Variants in C1S observed in about 807,000 individuals in gnomAD.
C1S encodes the protein complement C1s.
Under a neutral mutation model 54.0 loss-of-function variants are expected in C1S, and 31 were observed. The ratio of observed to expected loss-of-function variants is 0.57; its 90% CI spans 0.43 to 0.78. C1S has a LOEUF of 0.78. C1S is among the 30% of genes least tolerant of loss of function. C1S has a pLI of 0.00. For missense variants in C1S, 727 were observed against 851.8 expected (o/e 0.85, Z 1.82); for synonymous variants, 292 against 303.6 (o/e 0.96, Z 0.40).
Position 7,067,680 on chromosome 12 carries a change from TA to T in C1S, c.1107del (p.Val370LeufsTer41). 1 of 1,614,070 alleles carries T rather than the reference TA, an allele frequency of 6.2e-7. No homozygotes were observed. On this transcript the variant is annotated frameshift_variant, in exon 10 of 12. Transcript: ENST00000360817. LOFTEE classifies it high-confidence loss of function. ...GCATTCCTGAATCCATTGAGAATGG[TA>T]AAGTTGAAGACCCAGAGAGCACTTT... is the stretch of plus-strand genomic sequence containing the variant. The part of the protein sequence containing the change: ...CGIPESIENG[K>X]VEDPESTLFG...
At chr12:7,062,356 C>G in intron 2 of C1S, 119 bp from the exon 3 acceptor site, 1 of 766,952 alleles carries the variant, frequency 1.3e-6, no homozygotes, top group Non-Finnish European at 2.3e-6. Context: ...AAGATTCTCC[C>G]CCATGGCCGA....
intron 2 of C1S, chr12:7,062,209 T>C: frequency 1.8e-6 from 1 of 561,602 alleles, no homozygotes; most frequent in Non-Finnish European, 3.1e-6. Context: ...AGGTCAAGGC[T>C]GCAGTGACCT....
At chr12:7,062,726 T>C in intron 3 of C1S, 44 bp downstream of exon 3, 1 of 1,582,776 alleles carries the variant, frequency 6.3e-7, no homozygotes, top group African/African-American at 1.3e-5. Flanking sequence ...AGACTAGGGC[T>C]AAGGTAGCGG....
chr12:7,068,382 T>G, intron 10 of C1S, 74 bp from the exon 11 acceptor site: 2 of 1,042,152 alleles, frequency 1.9e-6, no homozygotes, highest in Non-Finnish European at 3.0e-6. Context: ...GGGCAGGGTG[T>G]TGGGGTCGGA....
In C1S at chr12:7,067,084, G is replaced by A. The variant is rs782700707; in HGVS notation, c.1033G>A (p.Gly345Arg). ...TSFYSTCQSNGKWSNSKLKCQ... is the reference protein window; with the variant it reads ...TSFYSTCQSNRKWSNSKLKCQ... ...TTTCTATTCGACTTGTCAAAGCAATGGAAAGTGGAGTAATTCCAAACTGAA... is the reference window on the plus strand; with the variant it reads ...TTTCTATTCGACTTGTCAAAGCAATAGAAAGTGGAGTAATTCCAAACTGAA... Residue 345 changes from glycine to arginine, a missense_variant, in exon 9 of 12, where the codon GGA (glycine) becomes AGA (arginine). By Grantham distance (125) the Gly-to-Arg change is moderately radical (BLOSUM62 -2). This residue lies in a region of C1S where 360 missense variants were observed against 453.6 expected (regional missense o/e 0.79). Transcript: ENST00000360817. 4.3e-6 allele frequency: 7 copies of A among 1,611,618 alleles called. No individual in the cohort carries two copies. The highest frequency in any genetic ancestry group is 2.2e-5 in the East Asian group (1 of 44,878).
In C1S at chr12:7,065,237, C is replaced by T. The variant is rs781816938; in HGVS notation, c.655C>T (p.Arg219Trp). 26 of 1,613,856 alleles carry T rather than the reference C, an allele frequency of 1.6e-5. No individual in the cohort carries two copies. The highest frequency in any genetic ancestry group is 1.1e-4 in the African/African-American group (8 of 74,900). Reference sequence around the variant, plus strand: ...AGGGTTCCAAGTGGTGGTGACCTTGCGGAGAGAAGATTTTGATGTGGAAGC... The same window carrying T: ...AGGGTTCCAAGTGGTGGTGACCTTGTGGAGAGAAGATTTTGATGTGGAAGC... ...EKGFQVVVTL[R>W]REDFDVEAAD... Residue 219 changes from arginine to tryptophan, a missense_variant, in exon 6 of 12, where the codon CGG becomes TGG. Arg to Trp is a moderately radical substitution (Grantham distance 101). Transcript: ENST00000360817.
Position 7,070,570 on chromosome 12 carries a change from T to C in C1S, c.1986T>C (p.Tyr662=). The C allele has an allele frequency of 1.2e-6, 2 of 1,613,956 alleles. No individual in the cohort carries two copies. Among genetic ancestry groups the C allele is most frequent in the Non-Finnish European group, 1.7e-6 (2 of 1,179,924 alleles). Reference sequence around the variant, plus strand: ...CCTGGGGGCCCCAGTGTGGGACCTATGGGCTCTACACACGGGTAAAGAACT... The same window carrying C: ...CCTGGGGGCCCCAGTGTGGGACCTACGGGCTCTACACACGGGTAAAGAACT... ...LVSWGPQCGT[Y]GLYTRVKNYV... is the part of the protein sequence containing the mutation. The change falls in exon 12 of 12, where the codon TAT becomes TAC. Residue 662 remains tyrosine (Y), a synonymous_variant. Coordinates refer to ENST00000360817, the MANE Select transcript of C1S (RefSeq NM_001734.5). This position sits in a 1 kb window ranked among gnomAD's most constrained non-coding sequence, Gnocchi z 4.9.
Position 7,062,696 on chromosome 12 carries a change from A to T in C1S, c.213+14A>T, listed in dbSNP as rs782268273. The T allele has an allele frequency of 1.2e-6, 2 of 1,610,244 alleles. No individual in the cohort carries two copies. Among genetic ancestry groups the T allele is most frequent in the South Asian group, 1.1e-5 (1 of 90,956 alleles). ...GACTCAGTGCAGGTATGTTATAAGC[A>T]CAAAAAGAATAGAGATGGAAGACTA... On this transcript the variant is annotated intron_variant, in intron 3 of 11. Transcript: ENST00000360817.
At position 7,070,694 on chromosome 12, in the gene C1S, G is replaced by A. The variant is rs1408186197; in HGVS notation, c.*43G>A. ...AGCCTCTCCAAGGGTGGTGACCAAT[G>A]CATTACCTTCTGTTCCTTATGATAT... is the stretch of plus-strand genomic sequence containing the variant. On this transcript the variant is annotated 3_prime_UTR_variant, in exon 12 of 12. Coordinates refer to ENST00000360817, the MANE Select transcript of C1S (RefSeq NM_001734.5). This position sits in a 1 kb window ranked among gnomAD's most constrained non-coding sequence, Gnocchi z 4.9. 2.1e-6 allele frequency: 3 copies of A among 1,421,144 alleles called. No homozygotes were observed. The highest frequency in any genetic ancestry group is 3.0e-6 in the Non-Finnish European group (3 of 1,005,836). The allele number at this position is 1,421,144 out of a possible 1,614,324, so 88.0% of individuals were successfully genotyped here.
In C1S at chr12:7,069,967, T is replaced by C; in HGVS notation, c.1383T>C (p.Gly461=). The C allele has an allele frequency of 6.2e-7, 1 of 1,614,162 alleles. No individual in the cohort carries two copies. ...TCTTCTTTGACAACCCATGGGCTGGTGGAGCGCTCATTAATGAGTACTGGG... is the reference window on the plus strand; with the variant it reads ...TCTTCTTTGACAACCCATGGGCTGGCGGAGCGCTCATTAATGAGTACTGGG... ...WQVFFDNPWA[G]GALINEYWVL... The change falls in exon 12 of 12, where the codon GGT becomes GGC. Residue 461 remains glycine (G), a synonymous_variant. Transcript: ENST00000360817.
chr12:7,062,756 G>A (rs140644096), intron 3 of C1S, 74 bp downstream of exon 3: 9 of 1,491,450 alleles, frequency 6.0e-6, no homozygotes, highest in Non-Finnish European at 9.3e-7. Flanking sequence ...GTGGGAGGGA[G>A]TGCCACCTGT....
At chr12:7,065,060 A>G (rs1555161878) in intron 5 of C1S, 40 bp from the exon 6 acceptor site, 1 of 1,508,784 alleles carries the variant, frequency 6.6e-7, no homozygotes, top group African/African-American at 1.4e-5. Flanking sequence ...CCTTTGCTTG[A>G]CCCTGTATTT....
In C1S at chr12:7,065,083, C is replaced by T. The variant is rs1260348185; in HGVS notation, c.518-17C>T. 1 of 1,584,712 alleles carries T rather than the reference C, an allele frequency of 6.3e-7. No individual in the cohort carries two copies. The highest frequency in any genetic ancestry group is 8.7e-7 in the Non-Finnish European group (1 of 1,153,430). Reference sequence around the variant, plus strand: ...TGACCCTGTATTTGATTCTCCCTTTCTCTTTTTCTCTGTTAGTTAATTGCA... The same window carrying T: ...TGACCCTGTATTTGATTCTCCCTTTTTCTTTTTCTCTGTTAGTTAATTGCA... On this transcript the variant is annotated splice_polypyrimidine_tract_variant and intron_variant, in intron 5 of 11. Coordinates refer to ENST00000360817, the MANE Select transcript of C1S (RefSeq NM_001734.5).
chr12:7,066,934 G>A, intron 8 of C1S, 105 bp from the exon 9 acceptor site: 2 of 834,702 alleles, frequency 2.4e-6, no homozygotes, highest in South Asian at 2.8e-5. Context: ...AGCTTCTTGT[G>A]GTGAGGACTC....
rs2135721725 is a variant in C1S, at chr12:7,063,046, G to A, written c.370G>A (p.Ala124Thr). 1 of 1,613,706 alleles carries A rather than the reference G, an allele frequency of 6.2e-7. No homozygotes were observed. The highest frequency in any genetic ancestry group is 8.5e-7 in the Non-Finnish European group (1 of 1,180,014). ...FSNEERFTGF[A>T]AYYVATDINE... The stretch of plus-strand genomic sequence containing the variant: ...CAATGAAGAGCGTTTTACGGGGTTT[G>A]CTGCATACTATGTTGCCACAGGTAA... The change falls in exon 4 of 12, where the codon GCT (alanine) becomes ACT (threonine). Residue 124 changes from alanine to threonine, a missense_variant. By Grantham distance (58) the Ala-to-Thr change is moderately conservative (BLOSUM62 0). This residue lies in a region of C1S where 357 missense variants were observed against 365.4 expected (regional missense o/e 0.98). Coordinates refer to ENST00000360817, the MANE Select transcript of C1S (RefSeq NM_001734.5).
At chr12:7,066,331 C>T in intron 7 of C1S, 187 bp from the exon 8 acceptor site, 3 of 669,370 alleles carry the variant, frequency 4.5e-6, no homozygotes, top group Non-Finnish European at 8.1e-6. Context: ...CCTGAGACTG[C>T]AGACAGCTTG....
intron 11 of C1S, 91 bp downstream of exon 11, chr12:7,068,621 C>A: frequency 2.2e-6 from 2 of 910,864 alleles, no homozygotes; most frequent in Non-Finnish European, 3.6e-6. Flanking sequence ...TGGGAAAGGA[C>A]TGAACAGTGA....
chr12:7,069,314 G>A (rs7963015), intron 11 of C1S, among the ~76,000 whole-genome samples: 48,889 of 152,068 alleles, frequency 0.32, 10,037 homozygotes, highest in African/African-American at 0.6. Flanking sequence ...TGAGAGGTCA[G>A]GGCCAAAGAA....
At position 7,067,710 on chromosome 12, in the gene C1S, T is replaced by G. The variant is rs1305823966; in HGVS notation, c.1134T>G (p.Phe378Leu). ...GKVEDPESTL[F>L]GSVIRYTCEE... ...TTGAAGACCCAGAGAGCACTTTGTT[T>G]GGTTCTGTCATCCGCTACACTTGTG... The change falls in exon 10 of 12, where the codon TTT becomes TTG. Residue 378 changes from phenylalanine to leucine, a missense_variant. By Grantham distance (22) the Phe-to-Leu change is conservative. Around this residue, in one of 3 missense-constraint regions of C1S, gnomAD observed 360 missense variants for 453.6 expected, o/e 0.79. Coordinates refer to ENST00000360817, the MANE Select transcript of C1S (RefSeq NM_001734.5). 1.2e-6 allele frequency: 2 copies of G among 1,613,978 alleles called. No individual in the cohort carries two copies. The highest frequency in any genetic ancestry group is 1.7e-6 in the Non-Finnish European group (2 of 1,179,938).
Sources: gnomAD v4.1 joint callset for allele counts (sites outside exome capture counted in the v4.1 genomes callset) on GRCh38, gnomAD v4.1.1 for gene constraint, gnomAD v4.1.1 regional missense constraint, Gnocchi (gnomAD v3.1) non-coding constraint, MANE v1.5 for transcripts, NCBI Gene and HGNC (gene_info 2026-07-23, HGNC 2026-07-21) for gene names.